Variants in MEGF8 observed in about 807,000 individuals in gnomAD.
MEGF8 encodes multiple epidermal growth factor-like domains protein 8.
A neutral mutation model predicts 302.9 loss-of-function variants in MEGF8; 156 were observed. The observed-to-expected ratio is 0.52, with a 90% CI of 0.45 to 0.59. MEGF8 has a LOEUF of 0.59. MEGF8 is among the 20% of genes least tolerant of loss of function. MEGF8 has a pLI of 0.00. For missense variants in MEGF8, 3,345 were observed against 3,964.5 expected (o/e 0.84, Z 4.20); for synonymous variants, 1,621 against 1,660.5 (o/e 0.98, Z 0.58).
Position 42,336,662 on chromosome 19 carries a change from C to A in MEGF8, c.1245-145C>A. 2 of 1,253,224 alleles carry A rather than the reference C, an allele frequency of 1.6e-6. No individual in the cohort carries two copies. Among genetic ancestry groups the A allele is most frequent in the Non-Finnish European group, 2.2e-6 (2 of 922,332 alleles). 77.6% of individuals were successfully genotyped at this position (1,253,224 alleles called of 1,614,324 possible). On this transcript the variant is annotated intron_variant, in intron 6 of 41. Transcript: ENST00000251268. The surrounding 1 kb of genome is among the most constrained non-coding windows in gnomAD (Gnocchi z 4.8). ...AACTCAGAGATGACTCAGGGTCCTGCCCACAGGGAACTTCTAGTTTGGAGG... is the reference window on the plus strand; with the variant it reads ...AACTCAGAGATGACTCAGGGTCCTGACCACAGGGAACTTCTAGTTTGGAGG...
intron 2 of MEGF8, 53 bp from the exon 3 acceptor site, chr19:42,333,954 C>A: frequency 6.4e-7 from 1 of 1,570,816 alleles, no homozygotes; most frequent in Non-Finnish European, 8.7e-7. Flanking sequence ...GCCACCCTCC[C>A]AGGACAATCC....
Position 42,357,319 on chromosome 19 carries a change from CTG to C in MEGF8, c.4831-82_4831-81del, listed in dbSNP as rs2039466512. 6.1e-6 allele frequency: 9 copies of C among 1,485,878 alleles called. No homozygotes were observed. The Admixed American group carries it at 1.1e-4, about 18-fold the overall frequency. 92.0% of individuals were successfully genotyped at this position (1,485,878 alleles called of 1,614,324 possible). A position where few individuals can be genotyped will look rare whatever the true frequency, so the allele number is the denominator to read the frequency against. ...TCCCTCCTTAGTACTTCAGGGAGGA[CTG>C]TGGGGGGCTGAGGCTCGCTTCTACC... On this transcript the variant is annotated intron_variant, in intron 27 of 41. Transcript: ENST00000251268. This position sits in a 1 kb window ranked among gnomAD's most constrained non-coding sequence, Gnocchi z 5.2.
At chr19:42,339,839 A>G (rs950481515) in intron 8 of MEGF8, among the ~76,000 whole-genome samples, 3 of 152,204 alleles carry the variant, frequency 2.0e-5, no homozygotes, top group Non-Finnish European at 2.9e-5. Context: ...CGGGCAGATC[A>G]TGAGGTCAGG....
chr19:42,368,965 TA>T lies in MEGF8; in HGVS notation c.6605del (p.Tyr2202LeufsTer14). The T allele has an allele frequency of 1.2e-6, 2 of 1,613,780 alleles. No homozygotes were observed. The highest frequency in any genetic ancestry group is 1.7e-6 in the Non-Finnish European group (2 of 1,179,876). ...TQNCHDQPHGYECSCKTGYTM... is the reference protein window; with the variant it reads ...TQNCHDQPHGXECSCKTGYTM... Reference sequence around the variant, plus strand: ...GAATTGCCACGACCAGCCCCACGGCTATGAGTGCAGCTGCAAGACCGGCTAT... The same window carrying T: ...GAATTGCCACGACCAGCCCCACGGCTTGAGTGCAGCTGCAAGACCGGCTAT... On this transcript the variant is annotated frameshift_variant, in exon 37 of 42. Coordinates refer to ENST00000251268, the MANE Select transcript of MEGF8 (RefSeq NM_001271938.2). LOFTEE classifies it high-confidence loss of function. This position sits in a 1 kb window ranked among gnomAD's most constrained non-coding sequence, Gnocchi z 4.9.
At chr19:42,337,012 T>C (rs2077542024) in intron 7 of MEGF8, 60 bp downstream of exon 7, 3 of 1,613,012 alleles carry the variant, frequency 1.9e-6, no homozygotes, top group Non-Finnish European at 2.5e-6. Flanking sequence ...AACCCTGAGC[T>C]GAGGCTCCCT....
At position 42,375,719 on chromosome 19, in the gene MEGF8, C is replaced by A; in HGVS notation, c.7482C>A (p.Asp2494Glu). Residue 2494 changes from aspartate (D) to glutamate (E), a missense_variant, in exon 42 of 42, where the codon GAC (aspartate) becomes GAA (glutamate). Physicochemically the swap from Asp to Glu is conservative, Grantham distance 45. Transcript: ENST00000251268. The surrounding 1 kb of genome is among the most constrained non-coding windows in gnomAD (Gnocchi z 7.1). ...ACGTGGACATCCGCCTGACGCTGGA[C>A]GTGACCTTCGGGGCCGTGGACCTCT... ...FTNVDIRLTL[D>E]VTFGAVDLYV... 6.2e-7 allele frequency: 1 copy of A among 1,611,894 alleles called. No homozygotes were observed.
chr19:42,370,184 C>G lies in MEGF8; in HGVS notation c.6835-5C>G. 1 of 1,610,312 alleles carries G rather than the reference C, an allele frequency of 6.2e-7. No individual in the cohort carries two copies. Among genetic ancestry groups the G allele is most frequent in the Non-Finnish European group, 8.5e-7 (1 of 1,178,658 alleles). ...CTCTCTAACTACCCTGTCCTGGGTT[C>G]TCAGGGCAGCCACTGTGAGCAGTGC... is the stretch of plus-strand genomic sequence containing the variant. On this transcript the variant is annotated splice_region_variant and splice_polypyrimidine_tract_variant and intron_variant, in intron 38 of 41. Transcript: ENST00000251268.
chr19:42,353,570 C>T lies in MEGF8; in HGVS notation c.3656C>T (p.Pro1219Leu), dbSNP rs754481112. Residue 1219 changes from proline to leucine, a missense_variant, in exon 21 of 42, where the codon CCA (proline) becomes CTA (leucine). Transcript: ENST00000251268. The surrounding 1 kb of genome is among the most constrained non-coding windows in gnomAD (Gnocchi z 6.1). Reference sequence around the variant, plus strand: ...TGCCAGTGCAACGGGCACGGGGACCCACGCCGTGGCCACTGCGACAACCTC... The same window carrying T: ...TGCCAGTGCAACGGGCACGGGGACCTACGCCGTGGCCACTGCGACAACCTC... ...RPCQCNGHGD[P>L]RRGHCDNLSG... The T allele has an allele frequency of 1.6e-5, 26 of 1,600,570 alleles. No homozygotes were observed. The highest frequency in any genetic ancestry group is 2.2e-5 in the Non-Finnish European group (26 of 1,174,178).
chr19:42,353,376 G>A lies in MEGF8; in HGVS notation c.3551-89G>A, dbSNP rs974535037. ...TTGGTTTCTCACCTTTGAAGCGGCT[G>A]GGTGGGGTCAGGGTTTAGCTGAGCC... is the stretch of plus-strand genomic sequence containing the variant. On this transcript the variant is annotated intron_variant, in intron 20 of 41. Transcript: ENST00000251268. The surrounding 1 kb of genome is among the most constrained non-coding windows in gnomAD (Gnocchi z 6.1). 2.1e-6 allele frequency: 3 copies of A among 1,424,664 alleles called. No individual in the cohort carries two copies. The highest frequency in any genetic ancestry group is 2.9e-6 in the Non-Finnish European group (3 of 1,047,924). 88.3% of individuals were successfully genotyped at this position (1,424,664 alleles called of 1,614,324 possible). A position where few individuals can be genotyped will look rare whatever the true frequency, so the allele number is the denominator to read the frequency against.
chr19:42,377,335 C>T lies in MEGF8; in HGVS notation c.*560C>T, dbSNP rs2147522113. 6.5e-6 allele frequency: 1 copy of T among 153,018 alleles called. No individual in the cohort carries two copies. The highest frequency in any genetic ancestry group is 1.9e-4 in the East Asian group (1 of 5,190). 9.5% of individuals were successfully genotyped at this position (153,018 alleles called of 1,614,324 possible). A position where few individuals can be genotyped will look rare whatever the true frequency, so the allele number is the denominator to read the frequency against. On this transcript the variant is annotated 3_prime_UTR_variant, in exon 42 of 42. Coordinates refer to ENST00000251268, the MANE Select transcript of MEGF8 (RefSeq NM_001271938.2). ...GGACCAGAAAACTGGTAAGTGTGAC[C>T]CAGATCAAGTGTGAGGAGATGAGGC...
chr19:42,352,535 C>T lies in MEGF8; in HGVS notation c.3350+79C>T, dbSNP rs1008707857. On this transcript the variant is annotated intron_variant, in intron 19 of 41. Coordinates refer to ENST00000251268, the MANE Select transcript of MEGF8 (RefSeq NM_001271938.2). The surrounding 1 kb of genome is among the most constrained non-coding windows in gnomAD (Gnocchi z 4.4). ...AGGTGGAGGGAGGAAGCCATCATGG[C>T]GCTGGGTCCCCTCCTGTGGAACCAG... The T allele has an allele frequency of 2.5e-5, 37 of 1,477,408 alleles. No homozygotes were observed. The highest frequency in any genetic ancestry group is 4.9e-5 in the East Asian group (2 of 40,564). The allele number at this position is 1,477,408 out of a possible 1,614,324, so 91.5% of individuals were successfully genotyped here.
At chr19:42,374,313 A>C (rs2039734405) in intron 41 of MEGF8, among the ~76,000 whole-genome samples, 1 of 152,028 alleles carries the variant, frequency 6.6e-6, no homozygotes, top group Non-Finnish European at 1.5e-5. Context: ...TCTACTAAAA[A>C]TACAAAAATT....
At chr19:42,332,512 CA>C (rs2039068410) in intron 1 of MEGF8, among the ~76,000 whole-genome samples, 1 of 152,198 alleles carries the variant, frequency 6.6e-6, no homozygotes, top group Non-Finnish European at 1.5e-5. Context: ...GGATTACAGG[CA>C]CCCGCCACCA....
intron 13 of MEGF8, among the ~76,000 whole-genome samples, chr19:42,348,793 G>A (rs1568563778): frequency 6.6e-6 from 1 of 152,182 alleles, no homozygotes; most frequent in African/African-American, 2.4e-5. Flanking sequence ...GTAAAGATGG[G>A]TTTTCACCAT....
chr19:42,344,962 C>A lies in MEGF8; in HGVS notation c.2097+129C>A. The A allele has an allele frequency of 9.7e-7, 1 of 1,034,720 alleles. No homozygotes were observed. The highest frequency in any genetic ancestry group is 1.3e-6 in the Non-Finnish European group (1 of 767,246). The allele number at this position is 1,034,720 out of a possible 1,614,324, so 64.1% of individuals were successfully genotyped here. On this transcript the variant is annotated intron_variant, in intron 12 of 41. Coordinates refer to ENST00000251268, the MANE Select transcript of MEGF8 (RefSeq NM_001271938.2). The surrounding 1 kb of genome is among the most constrained non-coding windows in gnomAD (Gnocchi z 4.5). Reference sequence around the variant, plus strand: ...CTTTACATTCAAGGGTCTTATTTTCCTTATGGACTTTATTTTTTATTTTTT... The same window carrying A: ...CTTTACATTCAAGGGTCTTATTTTCATTATGGACTTTATTTTTTATTTTTT...
chr19:42,362,104 G>A lies in MEGF8; in HGVS notation c.5735G>A (p.Gly1912Asp). Residue 1912 changes from glycine to aspartate, a missense_variant, in exon 33 of 42, where the codon GGC becomes GAC. Coordinates refer to ENST00000251268, the MANE Select transcript of MEGF8 (RefSeq NM_001271938.2). ...ATGTCCTTTAGGCTGGGCTGCGGGGGCTCCCCCTGCTCCCCAATGCCTCGC... is the reference window on the plus strand; with the variant it reads ...ATGTCCTTTAGGCTGGGCTGCGGGGACTCCCCCTGCTCCCCAATGCCTCGC... ...GDQAHRLGCG[G>D]SPCSPMPRSP... 3 of 1,612,150 alleles carry A rather than the reference G, an allele frequency of 1.9e-6. No individual in the cohort carries two copies. The highest frequency in any genetic ancestry group is 1.3e-5 in the African/African-American group (1 of 74,998).
At chr19:42,332,111 CCT>C (rs2039063178) in intron 1 of MEGF8, among the ~76,000 whole-genome samples, 1 of 152,152 alleles carries the variant, frequency 6.6e-6, no homozygotes, top group African/African-American at 2.4e-5. Flanking sequence ...CCTGCCCTGG[CCT>C]CTCAAAAGTG....
Position 42,352,380 on chromosome 19 carries a change from C to G in MEGF8, c.3274C>G (p.Leu1092Val), listed in dbSNP as rs2039388456. The G allele has an allele frequency of 1.3e-6, 2 of 1,592,634 alleles. No individual in the cohort carries two copies. Among genetic ancestry groups the G allele is most frequent in the Non-Finnish European group, 1.7e-6 (2 of 1,170,340 alleles). ...LARCHPRATC[L>V]NTPLSYECHC... ...CCGGTGCCACCCGCGGGCGACCTGCCTGAACACGCCCCTCAGCTACGAGTG... is the reference window on the plus strand; with the variant it reads ...CCGGTGCCACCCGCGGGCGACCTGCGTGAACACGCCCCTCAGCTACGAGTG... Residue 1092 changes from leucine to valine, a missense_variant, in exon 19 of 42, where the codon CTG becomes GTG. Transcript: ENST00000251268. The surrounding 1 kb of genome is among the most constrained non-coding windows in gnomAD (Gnocchi z 4.4).
In MEGF8 at chr19:42,357,271, C is replaced by A; in HGVS notation, c.4831-133C>A. The A allele has an allele frequency of 8.8e-7, 1 of 1,136,352 alleles. No individual in the cohort carries two copies. The allele number at this position is 1,136,352 out of a possible 1,614,324, so 70.4% of individuals were successfully genotyped here. A position where few individuals can be genotyped will look rare whatever the true frequency, so the allele number is the denominator to read the frequency against. On this transcript the variant is annotated intron_variant, in intron 27 of 41. Transcript: ENST00000251268. This position sits in a 1 kb window ranked among gnomAD's most constrained non-coding sequence, Gnocchi z 5.2. ...TGCCTCTGCCAGGACCCAGGCTGGT[C>A]CGACTGGCCCTGGGGGGGTCATTCC...
Sources: gnomAD v4.1 joint callset for allele counts (sites outside exome capture counted in the v4.1 genomes callset) on GRCh38, gnomAD v4.1.1 for gene constraint, Gnocchi (gnomAD v3.1) non-coding constraint, MANE v1.5 for transcripts, NCBI Gene and HGNC (gene_info 2026-07-23, HGNC 2026-07-21) for gene names.